Variants in ATP2B2 observed in about 807,000 individuals in gnomAD.
The protein encoded by ATP2B2 is ATPase plasma membrane Ca2+ transporting 2, also known as plasma membrane calcium-transporting ATPase 2.
ATP2B2 carries 15 observed loss-of-function variants against 120.0 expected under a neutral mutation model. The observed-to-expected ratio is 0.12, with a 90% CI of 0.08 to 0.19. The LOEUF is 0.19. ATP2B2 is among the 10% of genes least tolerant of loss of function. The probability of loss-of-function intolerance (pLI) is 1.00; values close to 1 mark genes in which losing one functional copy is unlikely to be tolerated. For synonymous variants in ATP2B2, 694 were observed against 700.3 expected (o/e 0.99, Z 0.14); for missense variants, 1,045 against 1,719.8 (o/e 0.61, Z 6.94).
chr3:10,388,218 C>G (rs745500622), intron 6 of ATP2B2, 59 bp downstream of exon 6: 1 of 1,431,866 alleles, frequency 7.0e-7, no homozygotes, highest in Admixed American at 1.8e-5. Context: ...AACAAATAAA[C>G]AAAAAAAAAA....
Position 10,402,118 on chromosome 3 carries a change from C to G in ATP2B2, c.628G>C (p.Val210Leu). The G allele has an allele frequency of 6.2e-7, 1 of 1,614,128 alleles. No individual in the cohort carries two copies. Among genetic ancestry groups the G allele is most frequent in the Admixed American group, 1.7e-5 (1 of 60,026 alleles). ...VVQIPVAEIV[V>L]GDIAQVKYGD... ...TATTTGACCTGGGCTATGTCCCCAA[C>G]CACGATCTCAGCCACAGGGATCTGG... The change falls in exon 4 of 23, where the codon GTT becomes CTT. Residue 210 changes from valine (V) to leucine (L), a missense_variant. Around this residue, in one of 11 missense-constraint regions of ATP2B2, gnomAD observed 35 missense variants for 29.9 expected, o/e 1.17. Transcript: ENST00000360273. The surrounding 1 kb of genome is among the most constrained non-coding windows in gnomAD (Gnocchi z 4.9).
At chr3:10,701,779 G>A (rs1448343223) in intron 1 of ATP2B2, among the ~76,000 whole-genome samples, 1 of 152,078 alleles carries the variant, frequency 6.6e-6, no homozygotes, top group African/African-American at 2.4e-5. Flanking sequence ...TGTTATGTAT[G>A]ATGGAAGAAA....
At chr3:10,615,073 G>C (rs535742365) in intron 2 of ATP2B2, among the ~76,000 whole-genome samples, 1 of 152,324 alleles carries the variant, frequency 6.6e-6, no homozygotes, top group Admixed American at 6.5e-5. Flanking sequence ...CTTGGACACA[G>C]AGAACAGGGG....
chr3:10,382,121 G>A (rs1024757882), intron 8 of ATP2B2, among the ~76,000 whole-genome samples: 1 of 151,880 alleles, frequency 6.6e-6, no homozygotes, highest in Non-Finnish European at 1.5e-5. Context: ...GAACTCCTGG[G>A]CTCAAGCAAT....
chr3:10,485,358 C>A (rs1313732589), intron 1 of ATP2B2, among the ~76,000 whole-genome samples: 1 of 152,182 alleles, frequency 6.6e-6, no homozygotes, highest in Non-Finnish European at 1.5e-5. Flanking sequence ...GGGAGCTTTG[C>A]CCCTGAGCTC....
At chr3:10,363,248 T>C (rs988646092) in intron 12 of ATP2B2, among the ~76,000 whole-genome samples, 6 of 152,368 alleles carry the variant, frequency 3.9e-5, no homozygotes, top group Admixed American at 6.5e-5. Context: ...TTTTCTCTTC[T>C]GGCTTTTTGA....
intron 12 of ATP2B2, among the ~76,000 whole-genome samples, chr3:10,366,868 C>T (rs2061075224): frequency 6.6e-6 from 1 of 152,228 alleles, no homozygotes; most frequent in Admixed American, 6.5e-5. Context: ...GGCAGGGAAG[C>T]AATTTCTGAC....
intron 22 of ATP2B2, among the ~76,000 whole-genome samples, chr3:10,336,498 G>A (rs1161175766): frequency 6.6e-6 from 1 of 152,184 alleles, no homozygotes; most frequent in African/African-American, 2.4e-5. Flanking sequence ...CAGGCCCCAG[G>A]GTCCCCGGGA....
chr3:10,695,393 T>A (rs529720474), intron 1 of ATP2B2, among the ~76,000 whole-genome samples: 18 of 151,872 alleles, frequency 1.2e-4, no homozygotes, highest in African/African-American at 4.3e-4. Flanking sequence ...TTCAATTACC[T>A]CCCACCGGGT....
chr3:10,332,299 G>A (rs149545253), intron 22 of ATP2B2: 519 of 459,892 alleles, frequency 1.1e-3, no homozygotes, highest in African/African-American at 8.1e-3. Context: ...AAGGTACGGC[G>A]TCCAGAATGT....
At chr3:10,607,000 CAGAGAGAG>C (rs57334112) in intron 2 of ATP2B2, among the ~76,000 whole-genome samples, 1 of 146,020 alleles carries the variant, frequency 6.8e-6, no homozygotes, top group African/African-American at 2.6e-5. Context: ...GAGAGAGAGA[CAGAGAGAG>C]AGAGAGAGAG....
intron 2 of ATP2B2, among the ~76,000 whole-genome samples, chr3:10,610,859 C>A (rs4684720): frequency 6.6e-6 from 1 of 152,114 alleles, no homozygotes; most frequent in African/African-American, 2.4e-5. Context: ...GCATGGAAGA[C>A]CCCTGCAGCC....
At chr3:10,389,218 T>C (rs1259980614) in intron 5 of ATP2B2, among the ~76,000 whole-genome samples, 1 of 152,200 alleles carries the variant, frequency 6.6e-6, no homozygotes, top group Non-Finnish European at 1.5e-5. Flanking sequence ...AGGATGGCTC[T>C]ACTTTTATTT....
At chr3:10,388,504 G>A in intron 5 of ATP2B2, 102 bp from the exon 6 acceptor site, 1 of 1,545,654 alleles carries the variant, frequency 6.5e-7, no homozygotes, top group East Asian at 2.3e-5. Flanking sequence ...CTCTTTGCCT[G>A]CAGAGGTCAT....
In ATP2B2 at chr3:10,375,732, G is replaced by A. The variant is rs1460979201; in HGVS notation, c.1202-88C>T. On this transcript the variant is annotated intron_variant, in intron 10 of 22. Coordinates refer to ENST00000360273, the MANE Select transcript of ATP2B2 (RefSeq NM_001001331.4). This position sits in a 1 kb window ranked among gnomAD's most constrained non-coding sequence, Gnocchi z 4.2. ...CCAAATCTTTGGCTGAAAGAGCTCC[G>A]GGTCAGGCTGACCCCAGCTCACCTC... is the stretch of plus-strand genomic sequence containing the variant. 3.5e-5 allele frequency: 43 copies of A among 1,232,954 alleles called. No homozygotes were observed. The highest frequency in any genetic ancestry group is 7.8e-5 in the Admixed American group (4 of 51,302). The allele number at this position is 1,232,954 out of a possible 1,614,324, so 76.4% of individuals were successfully genotyped here. A position where few individuals can be genotyped will look rare whatever the true frequency, so the allele number is the denominator to read the frequency against.
chr3:10,494,648 A>G (rs545365477), intron 1 of ATP2B2, among the ~76,000 whole-genome samples: 1 of 152,282 alleles, frequency 6.6e-6, no homozygotes, highest in Admixed American at 6.5e-5. Flanking sequence ...ACTGACCAGC[A>G]CCCAATCATG....
intron 2 of ATP2B2, among the ~76,000 whole-genome samples, chr3:10,575,416 C>T (rs1379713743): frequency 6.6e-6 from 1 of 152,078 alleles, no homozygotes; most frequent in Non-Finnish European, 1.5e-5. Flanking sequence ...TCCTAGAGTT[C>T]TAGGGAGGAT....
chr3:10,555,861 C>A (rs541936507), intron 2 of ATP2B2, among the ~76,000 whole-genome samples: 1 of 152,328 alleles, frequency 6.6e-6, no homozygotes, highest in East Asian at 1.9e-4. Flanking sequence ...CAGATCCCAC[C>A]TTCTCTGTGG....
intron 1 of ATP2B2, among the ~76,000 whole-genome samples, chr3:10,470,494 C>T (rs1244039053): frequency 6.6e-6 from 1 of 152,198 alleles, no homozygotes; most frequent in Non-Finnish European, 1.5e-5. Flanking sequence ...GGACCTGCCT[C>T]CCAGCTGGTT....
Sources: allele counts gnomAD v4.1 joint callset (sites outside exome capture counted in the v4.1 genomes callset), GRCh38; gene constraint gnomAD v4.1.1; regional missense constraint gnomAD v4.1.1; non-coding constraint Gnocchi (gnomAD v3.1); transcripts MANE v1.5; gene names NCBI Gene and HGNC (gene_info 2026-07-23, HGNC 2026-07-21).